CPEB4: variants seen among roughly 807,000 people sequenced by gnomAD.
CPEB4 encodes the protein cytoplasmic polyadenylation element binding protein 4.
A neutral mutation model predicts 72.5 loss-of-function variants in CPEB4; 12 were observed. The observed-to-expected ratio is 0.17, with a 90% CI of 0.11 to 0.27. The LOEUF is 0.27. Among genes scored for constraint, CPEB4 ranks in the 10% least tolerant of loss-of-function variants. The pLI, the probability that CPEB4 is intolerant of heterozygous loss-of-function variation, is 1.00. For missense variants in CPEB4, 614 were observed against 908.5 expected, an observed-to-expected ratio of 0.68 and a Z score of 4.17; for synonymous variants, 302 against 326.3, an observed-to-expected ratio of 0.93 and a Z score of 0.80.
intron 2 of CPEB4, among the ~76,000 whole-genome samples, chr5:173,911,558 G>A (rs1756660782): frequency 6.6e-6 from 1 of 151,970 alleles, no homozygotes; most frequent in Admixed American, 6.6e-5. Flanking sequence ...ATGCTAACAT[G>A]TAGCCAAGAA....
intron 5 of CPEB4, among the ~76,000 whole-genome samples, chr5:173,946,980 CATAGTGAGCCCT>C: frequency 6.6e-6 from 1 of 152,004 alleles, no homozygotes; most frequent in East Asian, 1.9e-4. Flanking sequence ...TAAGGGCTCA[CATAGTGAGCCCT>C]TATGATACCT....
chr5:173,949,822 A>C (rs1022439053), intron 6 of CPEB4, 138 bp from the exon 7 acceptor site: 1 of 743,120 alleles, frequency 1.3e-6, no homozygotes, highest in Admixed American at 2.5e-5. Context: ...TGATGTCATC[A>C]GACTTTTGGT....
intron 2 of CPEB4, among the ~76,000 whole-genome samples, chr5:173,926,456 G>A (rs1757244007): frequency 6.6e-6 from 1 of 152,172 alleles, no homozygotes; most frequent in African/African-American, 2.4e-5. Flanking sequence ...CAAATGCTTA[G>A]CATAGAATTG....
At position 173,955,296 on chromosome 5, in the gene CPEB4, A is replaced by G. The variant is rs62376959; in HGVS notation, c.1963-614A>G. Among the ~76,000 whole-genome samples the G allele has an allele frequency of 6.6e-6, 1 of 152,192 alleles. No individual in the cohort carries two copies. The highest frequency in any genetic ancestry group is 1.5e-5 in the Non-Finnish European group (1 of 68,034). On this transcript the variant is annotated intron_variant, in intron 9 of 9. Transcript: ENST00000265085. The surrounding 1 kb of genome is among the most constrained non-coding windows in gnomAD (Gnocchi z 4.7). Reference sequence around the variant, plus strand: ...TCAGGTGAACCATTCTTACTGAGAAAGAACAAAGCAGGGTTTTAGACTGTG... The same window carrying G: ...TCAGGTGAACCATTCTTACTGAGAAGGAACAAAGCAGGGTTTTAGACTGTG...
chr5:173,941,622 T>C lies in CPEB4; in HGVS notation c.1259-1404T>C, dbSNP rs75711294. On this transcript the variant is annotated intron_variant, in intron 3 of 9. Transcript: ENST00000265085. Reference sequence around the variant, plus strand: ...AAAAACCTATCCCAGGCTGTAACCCTGGGACTTTGGGAGGCTGAGGTGGGC... The same window carrying C: ...AAAAACCTATCCCAGGCTGTAACCCCGGGACTTTGGGAGGCTGAGGTGGGC... 3.7e-3 allele frequency among the ~76,000 whole-genome samples: 565 copies of C among 151,748 alleles called. 4 individuals carry two copies. Among genetic ancestry groups the C allele is most frequent in the African/African-American group, 0.013 (526 of 41,444 alleles).
At chr5:173,910,448 C>A in intron 1 of CPEB4, 75 bp from the exon 2 acceptor site, 1 of 973,808 alleles carries the variant, frequency 1.0e-6, no homozygotes. Context: ...TGTGTCCCAT[C>A]TAATGAAACT....
intron 1 of CPEB4, among the ~76,000 whole-genome samples, chr5:173,902,331 A>G (rs1756266189): frequency 6.6e-6 from 1 of 152,182 alleles, no homozygotes; most frequent in East Asian, 1.9e-4. Context: ...TCACAGTAAT[A>G]TATGTTTTTA....
At chr5:173,891,983 AC>A (rs1290574634) in intron 1 of CPEB4, among the ~76,000 whole-genome samples, 2 of 151,908 alleles carry the variant, frequency 1.3e-5, no homozygotes, top group Non-Finnish European at 2.9e-5. Context: ...AAAAAAAAAA[AC>A]AAACCCAAGG....
Position 173,946,534 on chromosome 5 carries a change from C to T in CPEB4, c.1456+1394C>T, listed in dbSNP as rs796363527. Among the ~76,000 whole-genome samples, 23 of 152,196 alleles carry T rather than the reference C, an allele frequency of 1.5e-4. 1 individual carries two copies. The highest frequency in any genetic ancestry group is 4.8e-4 in the African/African-American group (20 of 41,524). On this transcript the variant is annotated intron_variant, in intron 5 of 9. Coordinates refer to ENST00000265085, the MANE Select transcript of CPEB4 (RefSeq NM_030627.4). ...TAAAGCAGAAATGCTGGCTTGCAAGCATGGAGAAAATGCAGATGGAAACAG... is the reference window on the plus strand; with the variant it reads ...TAAAGCAGAAATGCTGGCTTGCAAGTATGGAGAAAATGCAGATGGAAACAG...
rs1195534737 is a variant in CPEB4 at position 173,956,156 on chromosome 5, A to G, written c.*19A>G. ...GAACTAAAGGATAACTGCAGTGCTCATTTTCAGGCCTCAGAATAAGTGCAC... is the reference window on the plus strand; with the variant it reads ...GAACTAAAGGATAACTGCAGTGCTCGTTTTCAGGCCTCAGAATAAGTGCAC... On this transcript the variant is annotated 3_prime_UTR_variant, in exon 10 of 10. Coordinates refer to ENST00000265085, the MANE Select transcript of CPEB4 (RefSeq NM_030627.4). 6 of 1,596,172 alleles carry G rather than the reference A, an allele frequency of 3.8e-6. No individual in the cohort carries two copies. Among genetic ancestry groups the G allele is most frequent in the African/African-American group, 1.3e-5 (1 of 74,562 alleles).
chr5:173,907,321 CAAA>C (rs1756478297), intron 1 of CPEB4, among the ~76,000 whole-genome samples: 1 of 152,138 alleles, frequency 6.6e-6, no homozygotes, highest in African/African-American at 2.4e-5. Context: ...AAAACAAAAA[CAAA>C]AACTTACAGG....
intron 2 of CPEB4, among the ~76,000 whole-genome samples, chr5:173,923,466 A>G (rs1322208816): frequency 1.3e-5 from 2 of 151,928 alleles, no homozygotes; most frequent in African/African-American, 2.4e-5. Context: ...GTGTTTTTTT[A>G]TGTTCATGTC....
At chr5:173,937,262 C>T (rs968511234) in intron 3 of CPEB4, among the ~76,000 whole-genome samples, 28 of 152,056 alleles carry the variant, frequency 1.8e-4, no homozygotes, top group Non-Finnish European at 3.5e-4. Context: ...AGGCTGGTCT[C>T]GAACTCCTGA....
intron 1 of CPEB4, among the ~76,000 whole-genome samples, chr5:173,909,151 T>TA (rs1316376722): frequency 2.0e-5 from 3 of 152,194 alleles, no homozygotes; most frequent in East Asian, 3.8e-4. Flanking sequence ...GCTAGGGGTT[T>TA]AGGTCAGCAA....
rs774253668 is a variant in CPEB4 at position 173,890,316 on chromosome 5, G to T, written c.583G>T (p.Val195Phe). The stretch of plus-strand genomic sequence containing the variant: ...TGCAAGTTTCTTTCACCAGGGAGGG[G>T]TCCCTGCTGCTTCGGCTAATAACGG... ...EDASFFHQGG[V>F]PAASANNGAL... The change falls in exon 1 of 10, where the codon GTC becomes TTC. Residue 195 changes from valine to phenylalanine, a missense_variant. Coordinates refer to ENST00000265085, the MANE Select transcript of CPEB4 (RefSeq NM_030627.4). 3 of 1,613,976 alleles carry T rather than the reference G, an allele frequency of 1.9e-6. No homozygotes were observed. Among genetic ancestry groups the T allele is most frequent in the East Asian group, 4.5e-5 (2 of 44,892 alleles).
chr5:173,944,489 A>C (rs1302233608), intron 4 of CPEB4, among the ~76,000 whole-genome samples: 1 of 152,122 alleles, frequency 6.6e-6, no homozygotes, highest in African/African-American at 2.4e-5. Flanking sequence ...AAAAAAAAAA[A>C]AAAAATTGAC....
chr5:173,916,158 C>CATT lies in CPEB4; in HGVS notation c.1207+5557_1207+5559dup, dbSNP rs1235256009. Among the ~76,000 whole-genome samples the CATT allele has an allele frequency of 2.0e-5, 3 of 152,138 alleles. 1 individual carries two copies. The highest frequency in any genetic ancestry group is 7.2e-5 in the African/African-American group (3 of 41,422). On this transcript the variant is annotated intron_variant, in intron 2 of 9. Coordinates refer to ENST00000265085, the MANE Select transcript of CPEB4 (RefSeq NM_030627.4). ...AAAGGCAATCTACAGACTGTCAAAA[C>CATT]ATTATAGTTGTTCTTCAGATATGAA...
intron 2 of CPEB4, among the ~76,000 whole-genome samples, chr5:173,917,911 T>C (rs1274970533): frequency 6.6e-6 from 1 of 152,224 alleles, no homozygotes; most frequent in Non-Finnish European, 1.5e-5. Context: ...TGCCTGCGTG[T>C]CTGGCTGAAG....
At position 173,943,660 on chromosome 5, in the gene CPEB4, T is replaced by C. The variant is rs532762471; in HGVS notation, c.1282+611T>C. On this transcript the variant is annotated intron_variant, in intron 4 of 9. Transcript: ENST00000265085. ...GCCTTTTTACGAGAAAGTAAGACAG[T>C]TAAATAGCTTAGATTTAAAGGATAA... 4.6e-5 allele frequency among the ~76,000 whole-genome samples: 7 copies of C among 152,306 alleles called. No homozygotes were observed. The South Asian group carries it at 1.4e-3, about 32-fold the overall frequency.
Sources: gnomAD v4.1 joint callset for allele counts (sites outside exome capture counted in the v4.1 genomes callset) on GRCh38, gnomAD v4.1.1 for gene constraint, Gnocchi (gnomAD v3.1) non-coding constraint, MANE v1.5 for transcripts, NCBI Gene and HGNC (gene_info 2026-07-23, HGNC 2026-07-21) for gene names.